Variants in LHFPL3 observed in about 807,000 individuals in gnomAD.
LHFPL3 encodes LHFPL tetraspan subfamily member 3 protein.
In LHFPL3, 5 loss-of-function variants were observed where a neutral mutation model predicts 19.3. The observed-to-expected ratio is 0.26, with a 90% CI of 0.14 to 0.54. The LOEUF is 0.54. Among genes scored for constraint, LHFPL3 ranks in the 20% least tolerant of loss-of-function variants. The probability of loss-of-function intolerance (pLI) is 0.94; values close to 1 mark genes in which losing one functional copy is unlikely to be tolerated. For missense variants in LHFPL3, 249 were observed against 307.4 expected, an observed-to-expected ratio of 0.81 and a Z score of 1.42; for synonymous variants, 133 against 126.2, an observed-to-expected ratio of 1.05 and a Z score of -0.36.
intron 1 of LHFPL3, among the ~76,000 whole-genome samples, chr7:104,456,110 T>A (rs557077002): frequency 6.6e-6 from 1 of 152,182 alleles, no homozygotes; most frequent in African/African-American, 2.4e-5. Context: ...AATGTGTCTT[T>A]TGCAATCTTA....
chr7:104,818,914 G>A (rs1442610366), intron 2 of LHFPL3, among the ~76,000 whole-genome samples: 2 of 151,796 alleles, frequency 1.3e-5, no homozygotes, highest in Non-Finnish European at 2.9e-5. Flanking sequence ...ATCTCTGGTA[G>A]TGCCATCATA....
intron 2 of LHFPL3, among the ~76,000 whole-genome samples, chr7:104,770,769 C>T (rs937199528): frequency 2.6e-5 from 4 of 152,192 alleles, no homozygotes; most frequent in Admixed American, 6.5e-5. Context: ...TGAAGCAAAA[C>T]CAGATATGAA....
chr7:104,823,938 G>A (rs574227339), intron 2 of LHFPL3, among the ~76,000 whole-genome samples: 1 of 151,280 alleles, frequency 6.6e-6, no homozygotes, highest in African/African-American at 2.4e-5. Flanking sequence ...TTGAGGTCCG[G>A]AGTTCGAGAC....
chr7:104,737,693 A>C (rs1793855501), intron 2 of LHFPL3, among the ~76,000 whole-genome samples: 1 of 152,170 alleles, frequency 6.6e-6, no homozygotes, highest in African/African-American at 2.4e-5. Flanking sequence ...CTGTTTTTTT[A>C]GTAGACTTAG....
At chr7:104,824,160 A>ATTATATATATAATATATAT (rs1356358642) in intron 2 of LHFPL3, among the ~76,000 whole-genome samples, 1 of 8,128 alleles carries the variant, frequency 1.2e-4, no homozygotes, top group Non-Finnish European at 2.3e-4. Flanking sequence ...AAAAAAATAT[A>ATTATATATATAATATATAT]TATATATTAT....
intron 1 of LHFPL3, among the ~76,000 whole-genome samples, chr7:104,551,421 A>G (rs1794661235): frequency 3.3e-5 from 5 of 152,232 alleles, no homozygotes; most frequent in South Asian, 2.1e-4. Flanking sequence ...AAAGACTGAC[A>G]TGCAGAGGTG....
At chr7:104,422,277 C>G (rs538538004) in intron 1 of LHFPL3, among the ~76,000 whole-genome samples, 91 of 152,298 alleles carry the variant, frequency 6.0e-4, no homozygotes, top group African/African-American at 2.0e-3. Flanking sequence ...AGGAGAATCA[C>G]TTGAACCCGG....
chr7:104,566,017 T>C (rs113035429), intron 1 of LHFPL3, among the ~76,000 whole-genome samples: 6,572 of 151,966 alleles, frequency 0.043, 439 homozygotes, highest in African/African-American at 0.15. Context: ...AGGTAGGAAC[T>C]GGGAGGAAAG....
chr7:104,587,672 C>T (rs1322229855), intron 1 of LHFPL3, among the ~76,000 whole-genome samples: 1 of 151,938 alleles, frequency 6.6e-6, no homozygotes, highest in East Asian at 1.9e-4. Flanking sequence ...ATTTCTAGTT[C>T]TAGATCCCTG....
rs564492749 is a variant in LHFPL3 at position 104,719,201 on chromosome 7, T to C, written c.446-17474T>C. On this transcript the variant is annotated intron_variant, in intron 1 of 2. Transcript: ENST00000424859. The stretch of plus-strand genomic sequence containing the variant: ...AATAGAACCTAATTGATTCATATCT[T>C]TATTTATAAGAAGGAGAAATTATTA... Among the ~76,000 whole-genome samples, 8 of 152,322 alleles carry C rather than the reference T, an allele frequency of 5.3e-5. No individual in the cohort carries two copies. The South Asian group carries it at 1.7e-3, about 32-fold the overall frequency.
chr7:104,591,943 C>T (rs1285770208), intron 1 of LHFPL3, among the ~76,000 whole-genome samples: 3 of 152,166 alleles, frequency 2.0e-5, no homozygotes, highest in Non-Finnish European at 4.4e-5. Flanking sequence ...ATGTCATTCT[C>T]GTGCCACGGT....
chr7:104,438,325 T>A (rs2116575403), intron 1 of LHFPL3, among the ~76,000 whole-genome samples: 1 of 152,364 alleles, frequency 6.6e-6, no homozygotes, highest in East Asian at 1.9e-4. Context: ...TTGGAAATAC[T>A]TTTTTCAAGA....
intron 1 of LHFPL3, among the ~76,000 whole-genome samples, chr7:104,460,741 T>A (rs1053378461): frequency 6.6e-6 from 1 of 152,206 alleles, no homozygotes; most frequent in Admixed American, 6.5e-5. Context: ...TGCTGGATAT[T>A]AGATCTTTTT....
At chr7:104,890,423 C>T (rs893801062) in intron 2 of LHFPL3, among the ~76,000 whole-genome samples, 3 of 152,214 alleles carry the variant, frequency 2.0e-5, no homozygotes, top group Admixed American at 1.3e-4. Context: ...TACAACGCCC[C>T]GTGGAGCTCA....
intron 1 of LHFPL3, among the ~76,000 whole-genome samples, chr7:104,365,791 A>C (rs1057343111): frequency 7.2e-6 from 1 of 139,158 alleles, no homozygotes; most frequent in Non-Finnish European, 1.6e-5. Context: ...CCGTCTCAAA[A>C]AAAAAAAAAA....
At chr7:104,751,010 CT>C (rs1289218750) in intron 2 of LHFPL3, among the ~76,000 whole-genome samples, 2 of 151,480 alleles carry the variant, frequency 1.3e-5, no homozygotes, top group Non-Finnish European at 2.9e-5. Flanking sequence ...CTGGGCAATT[CT>C]TTTTTAAGTG....
At chr7:104,543,674 C>G (rs1794529276) in intron 1 of LHFPL3, among the ~76,000 whole-genome samples, 1 of 145,616 alleles carries the variant, frequency 6.9e-6, no homozygotes, top group South Asian at 2.2e-4. Context: ...ACAAAAAAAC[C>G]AAACACCACA....
chr7:104,723,531 G>T (rs1221728266), intron 1 of LHFPL3, among the ~76,000 whole-genome samples: 1 of 151,956 alleles, frequency 6.6e-6, no homozygotes, highest in South Asian at 2.1e-4. Context: ...AGACCAGCCT[G>T]ACCAACATGG....
intron 1 of LHFPL3, among the ~76,000 whole-genome samples, chr7:104,544,095 T>C (rs1794538164): frequency 6.6e-6 from 1 of 150,652 alleles, no homozygotes; most frequent in Admixed American, 6.6e-5. Flanking sequence ...CTCATAAAAG[T>C]GAATGCCTGA....
Sources: allele counts gnomAD v4.1 joint callset (sites outside exome capture counted in the v4.1 genomes callset), GRCh38; gene constraint gnomAD v4.1.1; transcripts MANE v1.5; gene names NCBI Gene and HGNC (gene_info 2026-07-23, HGNC 2026-07-21).